The following CCDC7 variants were observed in gnomAD, a reference collection of about 807,000 sequenced individuals.
The protein encoded by CCDC7 is coiled-coil domain containing 7, also known as coiled-coil domain-containing protein 7.
Under a neutral mutation model 196.9 loss-of-function variants are expected in CCDC7, and 183 were observed. The observed-to-expected ratio is 0.93, with a 90% CI of 0.82 to 1.05. The LOEUF is 1.05. Among genes scored for constraint, CCDC7 ranks in the 50% least tolerant of loss-of-function variants. The pLI is 0.00. For synonymous variants in CCDC7, 525 were observed against 484.6 expected (o/e 1.08, Z -1.10); for missense variants, 1,540 against 1,482.2 (o/e 1.04, Z -0.64).
intron 23 of CCDC7, among the ~76,000 whole-genome samples, chr10:32,691,283 G>T (rs1342517302): frequency 6.6e-6 from 1 of 152,126 alleles, no homozygotes; most frequent in East Asian, 1.9e-4. Flanking sequence ...AGGGCTATGT[G>T]TTGGTACCCA....
intron 9 of CCDC7, among the ~76,000 whole-genome samples, chr10:32,498,777 T>C (rs977969903): frequency 6.6e-6 from 1 of 152,104 alleles, no homozygotes; most frequent in African/African-American, 2.4e-5. Context: ...GGCTTCCTTT[T>C]GTGGGTAACC....
At chr10:32,690,345 G>A (rs201669506) in intron 23 of CCDC7, among the ~76,000 whole-genome samples, 1 of 152,188 alleles carries the variant, frequency 6.6e-6, no homozygotes, top group East Asian at 1.9e-4. Context: ...CAGTTTGGTA[G>A]CCTTGTGGAA....
chr10:32,759,531 G>A (rs2077071620), intron 28 of CCDC7, among the ~76,000 whole-genome samples: 2 of 152,078 alleles, frequency 1.3e-5, no homozygotes, highest in South Asian at 2.1e-4. Flanking sequence ...TGGGAAAACT[G>A]GCTAGCCATA....
intron 18 of CCDC7, among the ~76,000 whole-genome samples, chr10:32,621,465 T>C (rs1486953443): frequency 6.6e-6 from 1 of 152,216 alleles, no homozygotes; most frequent in Admixed American, 6.5e-5. Flanking sequence ...TCTGTCTGTC[T>C]GTCTGTCTAT....
intron 29 of CCDC7, among the ~76,000 whole-genome samples, chr10:32,784,497 G>A (rs948779025): frequency 1.3e-5 from 2 of 152,284 alleles, no homozygotes; most frequent in African/African-American, 2.4e-5. Context: ...CTGTTCCTGC[G>A]TTAGTTTGGT....
intron 13 of CCDC7, among the ~76,000 whole-genome samples, chr10:32,545,366 A>C (rs1379942007): frequency 6.6e-6 from 1 of 152,210 alleles, no homozygotes; most frequent in Non-Finnish European, 1.5e-5. Context: ...TTTTGGTCTC[A>C]CAAATTAAGA....
rs917639543 is a variant in CCDC7, at chr10:32,538,423, C to T, written c.994-4877C>T. ...GAGTTTTCTAGATATAGAATCATGC[C>T]ATCAAACAGGGGTAGTTTCACTTCC... On this transcript the variant is annotated intron_variant, in intron 11 of 41. Transcript: ENST00000639629. Among the ~76,000 whole-genome samples, 4 of 152,248 alleles carry T rather than the reference C, an allele frequency of 2.6e-5. No homozygotes were observed. The East Asian group carries it at 7.7e-4, about 29-fold the overall frequency.
At chr10:32,473,353 T>C (rs2038337413) in intron 7 of CCDC7, among the ~76,000 whole-genome samples, 1 of 152,152 alleles carries the variant, frequency 6.6e-6, no homozygotes, top group African/African-American at 2.4e-5. Context: ...GCATAGAGAA[T>C]TACAACTGGA....
At chr10:32,751,300 A>G (rs1053583797) in intron 28 of CCDC7, among the ~76,000 whole-genome samples, 41 of 152,038 alleles carry the variant, frequency 2.7e-4, no homozygotes, top group Non-Finnish European at 5.9e-4. Context: ...TCCATTAATT[A>G]GGAGAAACTT....
At chr10:32,579,684 A>G (rs1308000027) in intron 16 of CCDC7, among the ~76,000 whole-genome samples, 1 of 152,136 alleles carries the variant, frequency 6.6e-6, no homozygotes, top group Non-Finnish European at 1.5e-5. Context: ...AAAATCCAAA[A>G]GAAACATCCT....
chr10:32,637,914 G>A (rs868582438), intron 20 of CCDC7, among the ~76,000 whole-genome samples: 19 of 152,130 alleles, frequency 1.2e-4, no homozygotes, highest in African/African-American at 4.3e-4. Context: ...ATCGAGCAGT[G>A]GTTTGTAGTT....
At chr10:32,611,795 C>T (rs367637942) in intron 18 of CCDC7, among the ~76,000 whole-genome samples, 61 of 152,158 alleles carry the variant, frequency 4.0e-4, no homozygotes, top group African/African-American at 1.4e-3. Flanking sequence ...GTTTTGGCAC[C>T]AGTACCATGC....
rs1344150013 is a variant in CCDC7, at chr10:32,845,398, C to T, written c.3436+72C>T. The T allele has an allele frequency of 1.2e-5, 15 of 1,265,326 alleles. No individual in the cohort carries two copies. The African/African-American group carries it at 1.8e-4, about 15-fold the overall frequency. The allele number at this position is 1,265,326 out of a possible 1,614,324, so 78.4% of individuals were successfully genotyped here. ...TTCCCTGAGTTAAATTAAGTATAGA[C>T]CTTTAATAACAAAACTACCTATATT... On this transcript the variant is annotated intron_variant, in intron 34 of 41. Transcript: ENST00000639629.
At chr10:32,454,668 C>T (rs1004159238) in intron 2 of CCDC7, among the ~76,000 whole-genome samples, 8 of 152,074 alleles carry the variant, frequency 5.3e-5, no homozygotes, top group Admixed American at 5.2e-4. Flanking sequence ...GAAATCAGCC[C>T]TTCGGATATC....
intron 31 of CCDC7, among the ~76,000 whole-genome samples, chr10:32,816,742 C>T (rs1269631005): frequency 6.6e-6 from 1 of 152,164 alleles, no homozygotes; most frequent in East Asian, 1.9e-4. Context: ...GAGTAGACCT[C>T]CAGCAAACTC....
At chr10:32,524,077 T>TTG (rs1215321905) in intron 11 of CCDC7, among the ~76,000 whole-genome samples, 1 of 151,434 alleles carries the variant, frequency 6.6e-6, no homozygotes, top group Non-Finnish European at 1.5e-5. Flanking sequence ...CTGTCTTTTT[T>TTG]TTTTTTTTAG....
chr10:32,728,900 A>G (rs761559835), exon 27 of CCDC7: 3 of 1,598,972 alleles, frequency 1.9e-6, no homozygotes, highest in Non-Finnish European at 2.6e-6. Flanking sequence ...GTATTGTAGT[A>G]CCAAATGAAA....
chr10:32,845,387 T>G, intron 34 of CCDC7, 61 bp downstream of exon 35: 1 of 1,343,512 alleles, frequency 7.4e-7, no homozygotes, highest in Non-Finnish European at 1.0e-6. Flanking sequence ...CTGAGTTAAA[T>G]TAAGTATAGA....
intron 39 of CCDC7, among the ~76,000 whole-genome samples, chr10:32,850,527 G>A (rs2136257293): frequency 6.6e-6 from 1 of 152,136 alleles, no homozygotes; most frequent in Non-Finnish European, 1.5e-5. Context: ...AATACAAGTA[G>A]GCAAGAACAC....
Sources: gnomAD v4.1 joint callset for allele counts (sites outside exome capture counted in the v4.1 genomes callset) on GRCh38, gnomAD v4.1.1 for gene constraint, MANE v1.5 for transcripts, NCBI Gene and HGNC (gene_info 2026-07-23, HGNC 2026-07-21) for gene names.